Variants in LGR5 observed in about 807,000 individuals in gnomAD.
LGR5 encodes the protein leucine-rich repeat-containing G protein-coupled receptor 5.
A neutral mutation model predicts 76.7 loss-of-function variants in LGR5; 54 were observed. That is an observed-to-expected ratio of 0.70 (90% CI 0.57 to 0.88). LGR5 has a LOEUF of 0.88. LGR5 is among the 40% of genes least tolerant of loss of function. The pLI, the probability that LGR5 is intolerant of heterozygous loss-of-function variation, is 0.00. For synonymous variants in LGR5, 406 were observed against 421.9 expected (o/e 0.96, Z 0.46); for missense variants, 1,078 against 1,073.3 (o/e 1.00, Z -0.06).
intron 4 of LGR5, among the ~76,000 whole-genome samples, chr12:71,537,534 C>A (rs938068562): frequency 6.6e-6 from 1 of 152,006 alleles, no homozygotes; most frequent in Admixed American, 6.6e-5. Context: ...GAACCACCAA[C>A]TCTGCAGATA....
intron 3 of LGR5, among the ~76,000 whole-genome samples, chr12:71,524,995 A>G (rs911788168): frequency 5.3e-5 from 8 of 152,176 alleles, no homozygotes; most frequent in African/African-American, 1.9e-4. Flanking sequence ...TGAAAATTGT[A>G]AATATGAGGT....
chr12:71,525,610 C>T (rs1875959883), intron 3 of LGR5, among the ~76,000 whole-genome samples: 1 of 151,418 alleles, frequency 6.6e-6, no homozygotes, highest in African/African-American at 2.4e-5. Flanking sequence ...GATTTTTTTT[C>T]CCATGTTGAG....
At position 71,584,141 on chromosome 12, in the gene LGR5, C is replaced by G; in HGVS notation, c.2131C>G (p.Leu711Val). ...TGGCAGCAAGTATGGCGCCTCCCCT[C>G]TCTGCCTGCCTTTGCCTTTTGGGGA... is the stretch of plus-strand genomic sequence containing the variant. ...LGGSKYGASP[L>V]CLPLPFGEPS... Residue 711 changes from leucine to valine, a missense_variant, in exon 18 of 18, where the codon CTC becomes GTC. Transcript: ENST00000266674. The G allele has an allele frequency of 6.2e-7, 1 of 1,614,206 alleles. No homozygotes were observed. The highest frequency in any genetic ancestry group is 8.5e-7 in the Non-Finnish European group (1 of 1,180,042).
chr12:71,569,162 A>G (rs1041962013), intron 11 of LGR5, among the ~76,000 whole-genome samples: 15 of 152,356 alleles, frequency 9.8e-5, no homozygotes, highest in Middle Eastern at 3.4e-3. Flanking sequence ...AAATTAACTC[A>G]AGATGGATTA....
intron 2 of LGR5, among the ~76,000 whole-genome samples, chr12:71,506,699 T>C (rs7980175): frequency 0.092 from 14,063 of 152,242 alleles, 691 homozygotes; most frequent in Non-Finnish European, 0.11. Flanking sequence ...TCTGCTAAGC[T>C]GGCTGACTTG....
Position 71,586,191 on chromosome 12 carries a change from T to G in LGR5, c.*1457T>G, listed in dbSNP as rs1879310146. 6.6e-6 allele frequency: 1 copy of G among 152,192 alleles called. No individual in the cohort carries two copies. 9.4% of individuals were successfully genotyped at this position (152,192 alleles called of 1,614,324 possible). A position where few individuals can be genotyped will look rare whatever the true frequency, so the allele number is the denominator to read the frequency against. On this transcript the variant is annotated 3_prime_UTR_variant, in exon 18 of 18. Transcript: ENST00000266674. ...TTTATATTGTGTTTCTCTGCCCATT[T>G]TCTTTAAATTCATTAACTGTATATA...
chr12:71,558,910 C>T (rs953668119), intron 6 of LGR5, among the ~76,000 whole-genome samples: 3 of 152,156 alleles, frequency 2.0e-5, no homozygotes, highest in African/African-American at 7.2e-5. Flanking sequence ...GATAATTTGA[C>T]CACTTCATCT....
intron 4 of LGR5, among the ~76,000 whole-genome samples, chr12:71,536,105 A>G (rs1490642726): frequency 1.3e-5 from 2 of 152,204 alleles, no homozygotes; most frequent in Admixed American, 1.3e-4. Flanking sequence ...TTTACTTACA[A>G]TGGAGATGCA....
chr12:71,509,694 G>C (rs1222716484), intron 2 of LGR5, among the ~76,000 whole-genome samples: 2 of 152,124 alleles, frequency 1.3e-5, no homozygotes, highest in Non-Finnish European at 2.9e-5. Context: ...AAATAAGGAG[G>C]GGGGAATGAA....
At chr12:71,532,359 G>A (rs996097928) in intron 3 of LGR5, among the ~76,000 whole-genome samples, 2 of 152,084 alleles carry the variant, frequency 1.3e-5, no homozygotes, top group Non-Finnish European at 2.9e-5. Flanking sequence ...TTCCCTAACT[G>A]GTAAGTGAAG....
At chr12:71,577,893 A>T in intron 13 of LGR5, 32 bp from the exon 14 acceptor site, 1 of 1,394,686 alleles carries the variant, frequency 7.2e-7, no homozygotes, top group Non-Finnish European at 1.0e-6. Flanking sequence ...TTTATTCTAT[A>T]TAATTCTCTC....
intron 12 of LGR5, 52 bp downstream of exon 12, chr12:71,571,631 A>C: frequency 5.0e-5 from 67 of 1,339,118 alleles, no homozygotes; most frequent in Non-Finnish European, 6.1e-5. Flanking sequence ...ATCAAAACTC[A>C]CATTTCTCAG....
intron 13 of LGR5, among the ~76,000 whole-genome samples, chr12:71,575,396 G>T (rs1878802899): frequency 6.6e-6 from 1 of 152,080 alleles, no homozygotes; most frequent in African/African-American, 2.4e-5. Flanking sequence ...TTCTATTACT[G>T]GGTATATACC....
intron 1 of LGR5, among the ~76,000 whole-genome samples, chr12:71,459,239 C>G (rs552014256): frequency 1.3e-5 from 2 of 152,202 alleles, no homozygotes; most frequent in East Asian, 3.9e-4. Context: ...CATAAATGTA[C>G]CTTCTGCCTT....
At chr12:71,554,417 G>A (rs530718498) in intron 5 of LGR5, among the ~76,000 whole-genome samples, 32 of 152,308 alleles carry the variant, frequency 2.1e-4, no homozygotes, top group Non-Finnish European at 4.1e-4. Flanking sequence ...TTACAATAGC[G>A]ATGTTATCTA....
chr12:71,454,144 C>A (rs1362085182), intron 1 of LGR5, among the ~76,000 whole-genome samples: 1 of 152,048 alleles, frequency 6.6e-6, no homozygotes, highest in Admixed American at 6.6e-5. Flanking sequence ...ATGTTCTGTA[C>A]CCTTCTGCAA....
At chr12:71,554,448 A>G (rs1877659069) in intron 5 of LGR5, among the ~76,000 whole-genome samples, 1 of 152,192 alleles carries the variant, frequency 6.6e-6, no homozygotes, top group South Asian at 2.1e-4. Context: ...TGGGGAGGTT[A>G]GGAGTCTTGT....
chr12:71,440,239 C>A lies in LGR5; in HGVS notation c.159C>A (p.Ser53=), dbSNP rs775049810. Residue 53 remains serine (S), a synonymous_variant, in exon 1 of 18, where the codon TCC becomes TCA. Coordinates refer to ENST00000266674, the MANE Select transcript of LGR5 (RefSeq NM_003667.4). The surrounding 1 kb of genome is among the most constrained non-coding windows in gnomAD (Gnocchi z 5.3). ...GGATGTTGCTCAGGGTGGACTGCTCCGACCTGGGGCTCTCGGAGCTGCCTT... is the reference window on the plus strand; with the variant it reads ...GGATGTTGCTCAGGGTGGACTGCTCAGACCTGGGGCTCTCGGAGCTGCCTT... ...DGRMLLRVDC[S]DLGLSELPSN... is the part of the protein sequence containing the mutation. 3 of 1,613,118 alleles carry A rather than the reference C, an allele frequency of 1.9e-6. No homozygotes were observed. Among genetic ancestry groups the A allele is most frequent in the East Asian group, 4.5e-5 (2 of 44,890 alleles).
At chr12:71,459,221 T>C (rs1592459105) in intron 1 of LGR5, among the ~76,000 whole-genome samples, 1 of 152,280 alleles carries the variant, frequency 6.6e-6, no homozygotes, top group East Asian at 1.9e-4. Context: ...GCAGTTGTGT[T>C]CTGATTTCAT....
Sources: allele counts gnomAD v4.1 joint callset (sites outside exome capture counted in the v4.1 genomes callset), GRCh38; gene constraint gnomAD v4.1.1; non-coding constraint Gnocchi (gnomAD v3.1); transcripts MANE v1.5; gene names NCBI Gene and HGNC (gene_info 2026-07-23, HGNC 2026-07-21).